SEPSECS: variants seen among roughly 807,000 people sequenced by gnomAD.
SEPSECS encodes Sep (O-phosphoserine) tRNA:Sec (selenocysteine) tRNA synthase.
Under a neutral mutation model 52.1 loss-of-function variants are expected in SEPSECS, and 42 were observed. The ratio of observed to expected loss-of-function variants is 0.81; its 90% CI spans 0.63 to 1.04. SEPSECS has a LOEUF of 1.04. SEPSECS is among the 50% of genes least tolerant of loss of function. The pLI, the probability that SEPSECS is intolerant of heterozygous loss-of-function variation, is 0.00. For missense variants in SEPSECS, 590 were observed against 610.6 expected, an observed-to-expected ratio of 0.97 and a Z score of 0.36; for synonymous variants, 216 against 211.4, an observed-to-expected ratio of 1.02 and a Z score of -0.19.
chr4:25,156,821 A>G (rs1712686365), intron 3 of SEPSECS, 35 bp downstream of exon 3: 6 of 1,085,998 alleles, frequency 5.5e-6, no homozygotes, highest in African/African-American at 1.5e-5. Context: ...GTGTGTCCAG[A>G]CAGCCAAAAG....
At chr4:25,148,992 G>C (rs970013283) in intron 6 of SEPSECS, among the ~76,000 whole-genome samples, 2 of 152,118 alleles carry the variant, frequency 1.3e-5, no homozygotes, top group Non-Finnish European at 2.9e-5. Flanking sequence ...CCCAAATGCA[G>C]AGAGGTAATG....
chr4:25,140,653 C>T (rs536192645), intron 8 of SEPSECS, among the ~76,000 whole-genome samples: 6 of 152,136 alleles, frequency 3.9e-5, no homozygotes, highest in Middle Eastern at 3.4e-3. Flanking sequence ...CTCAGTATTA[C>T]GTGTAATTAT....
chr4:25,123,944 T>A lies in SEPSECS; in HGVS notation c.1493A>T (p.Asp498Val), dbSNP rs1255079103. 1 of 1,613,390 alleles carries A rather than the reference T, an allele frequency of 6.2e-7. No individual in the cohort carries two copies. Among genetic ancestry groups the A allele is most frequent in the African/African-American group, 1.3e-5 (1 of 75,030 alleles). Reference protein sequence around the residue: ...LDNVLLDTYQDASS With the variant: ...LDNVLLDTYQVASS ...ACCCTTCGCATGTCATGAAGAAGCA[T>A]CCTGGTATGTGTCAAGAAGTACATT... The change falls in exon 11 of 11, where the codon GAT becomes GTT. Residue 498 changes from aspartate (D) to valine (V), a missense_variant. By Grantham distance (152) the Asp-to-Val change is radical. Transcript: ENST00000382103.
At chr4:25,153,885 C>T (rs931389449) in intron 5 of SEPSECS, among the ~76,000 whole-genome samples, 1 of 151,998 alleles carries the variant, frequency 6.6e-6, no homozygotes, top group Non-Finnish European at 1.5e-5. Context: ...AACACTGTGC[C>T]AGGCATACTG....
At chr4:25,124,302 GT>G in intron 10 of SEPSECS, 77 bp from the exon 11 acceptor site, 1 of 1,383,188 alleles carries the variant, frequency 7.2e-7, no homozygotes. Flanking sequence ...AAAGATATGT[GT>G]TACAAAGCCT....
At chr4:25,160,102 G>A (rs561606796) in intron 1 of SEPSECS, 154 bp downstream of exon 1, 24 of 985,434 alleles carry the variant, frequency 2.4e-5, no homozygotes, top group Non-Finnish European at 2.9e-5. Context: ...GGCACAGACC[G>A]CAGTCGGTCA....
At position 25,120,167 on chromosome 4, in the gene SEPSECS, C is replaced by T. The variant is rs894143569; in HGVS notation, c.*3764G>A. 7 of 151,924 alleles carry T rather than the reference C, an allele frequency of 4.6e-5. No individual in the cohort carries two copies. Among genetic ancestry groups the T allele is most frequent in the African/African-American group, 1.7e-4 (7 of 41,356 alleles). The allele number at this position is 151,924 out of a possible 1,614,324, so 9.4% of individuals were successfully genotyped here. On this transcript the variant is annotated 3_prime_UTR_variant, in exon 11 of 11. Transcript: ENST00000382103. ...GCTTCATATTCTCATGGCTAAAATC[C>T]CCCACGGTTATACAGTTAAGCATAG...
intron 6 of SEPSECS, among the ~76,000 whole-genome samples, chr4:25,145,403 T>C (rs1711901705): frequency 6.6e-6 from 1 of 152,228 alleles, no homozygotes; most frequent in South Asian, 2.1e-4. Context: ...TTATTTTCTT[T>C]GTAATAGTGC....
intron 8 of SEPSECS, among the ~76,000 whole-genome samples, chr4:25,127,684 A>G (rs769573513): frequency 2.0e-5 from 3 of 152,074 alleles, no homozygotes; most frequent in Non-Finnish European, 4.4e-5. Flanking sequence ...ACAGCAATAG[A>G]TCCTAAATGA....
In SEPSECS at chr4:25,155,166, C is replaced by T; in HGVS notation, c.548-15G>A. The T allele has an allele frequency of 6.2e-7, 1 of 1,613,898 alleles. No homozygotes were observed. The highest frequency in any genetic ancestry group is 8.5e-7 in the Non-Finnish European group (1 of 1,179,922). On this transcript the variant is annotated splice_polypyrimidine_tract_variant and intron_variant, in intron 4 of 10. Coordinates refer to ENST00000382103, the MANE Select transcript of SEPSECS (RefSeq NM_016955.4). ...AGGCTCAAAACCTAACCAAACCAAC[C>T]AGAAAACAAAATGTTAGTGTGAACT...
chr4:25,134,054 G>C (rs1158093813), intron 8 of SEPSECS, among the ~76,000 whole-genome samples: 1 of 145,506 alleles, frequency 6.9e-6, no homozygotes, highest in Admixed American at 7.2e-5. Context: ...AACCCAGAGA[G>C]GTCAAGGCTG....
chr4:25,155,861 A>C (rs1408829137), intron 4 of SEPSECS, among the ~76,000 whole-genome samples, 176 bp downstream of exon 4: 2 of 152,240 alleles, frequency 1.3e-5, no homozygotes, highest in East Asian at 3.8e-4. Context: ...CATAAACTTA[A>C]AAGTTGCATA....
intron 8 of SEPSECS, among the ~76,000 whole-genome samples, chr4:25,130,987 G>T (rs1377158467): frequency 1.3e-5 from 2 of 152,126 alleles, no homozygotes; most frequent in Non-Finnish European, 2.9e-5. Flanking sequence ...CATGTTCTCT[G>T]TGCTGTATTT....
chr4:25,154,974 G>A, intron 5 of SEPSECS, 24 bp downstream of exon 5: 2 of 1,610,318 alleles, frequency 1.2e-6, no homozygotes, highest in Non-Finnish European at 1.7e-6. Context: ...AACAGCTAAA[G>A]GACAATATTC....
intron 4 of SEPSECS, among the ~76,000 whole-genome samples, chr4:25,155,439 A>G (rs998162193): frequency 2.0e-5 from 3 of 152,252 alleles, no homozygotes; most frequent in Admixed American, 2.0e-4. Flanking sequence ...ATAGATATCT[A>G]TAGAAGTAAT....
In SEPSECS at chr4:25,152,039, C is replaced by A; in HGVS notation, c.725G>T (p.Cys242Phe). The change falls in exon 6 of 11, where the codon TGT (cysteine) becomes TTT (phenylalanine). Residue 242 changes from cysteine (C) to phenylalanine (F), a missense_variant. By Grantham distance (205) the Cys-to-Phe change is radical. Coordinates refer to ENST00000382103, the MANE Select transcript of SEPSECS (RefSeq NM_016955.4). The part of the protein sequence containing the change: ...PDRLEELAVI[C>F]ANYDIPHIVN... Reference sequence around the variant, plus strand: ...TATATGTGGAATGTCATAATTAGCACAAATCACAGCCAGTTCTTCTAATCT... The same window carrying A: ...TATATGTGGAATGTCATAATTAGCAAAAATCACAGCCAGTTCTTCTAATCT... The A allele has an allele frequency of 6.3e-7, 1 of 1,584,148 alleles. No homozygotes were observed. The highest frequency in any genetic ancestry group is 8.7e-7 in the Non-Finnish European group (1 of 1,152,894).
intron 8 of SEPSECS, among the ~76,000 whole-genome samples, chr4:25,130,546 G>T (rs1323539659): frequency 6.6e-6 from 1 of 151,954 alleles, no homozygotes; most frequent in Non-Finnish European, 1.5e-5. Flanking sequence ...CACTAGTACG[G>T]GAGTAATTAG....
rs1728142675 is a variant in SEPSECS at position 25,121,906 on chromosome 4, C to T, written c.*2025G>A. On this transcript the variant is annotated 3_prime_UTR_variant, in exon 11 of 11. Transcript: ENST00000382103. ...TGCTACTCTCCCAGCTCTGGCCTTT[C>T]TTAAGCTAAATGATGATCACAACAA... 6.6e-6 allele frequency: 1 copy of T among 152,176 alleles called. No homozygotes were observed. Among genetic ancestry groups the T allele is most frequent in the Non-Finnish European group, 1.5e-5 (1 of 68,022 alleles). 9.4% of individuals were successfully genotyped at this position (152,176 alleles called of 1,614,324 possible). A position where few individuals can be genotyped will look rare whatever the true frequency, so the allele number is the denominator to read the frequency against.
chr4:25,124,181 A>G lies in SEPSECS; in HGVS notation c.1256T>C (p.Phe419Ser). The change falls in exon 11 of 11, where the codon TTC becomes TCC. Residue 419 changes from phenylalanine to serine, a missense_variant. By Grantham distance (155) the Phe-to-Ser change is radical. Transcript: ENST00000382103. ...GSMQTVSGYT[F>S]RGFMSHTNNY... Reference sequence around the variant, plus strand: ...ATTTGTATGTGACATAAAGCCTCTGAAAGTATAGCCACTCACAGTTTGCAT... The same window carrying G: ...ATTTGTATGTGACATAAAGCCTCTGGAAGTATAGCCACTCACAGTTTGCAT... The G allele has an allele frequency of 3.1e-6, 5 of 1,613,666 alleles. No homozygotes were observed. The highest frequency in any genetic ancestry group is 4.2e-6 in the Non-Finnish European group (5 of 1,179,724).
Sources: gnomAD v4.1 joint callset for allele counts (sites outside exome capture counted in the v4.1 genomes callset) on GRCh38, gnomAD v4.1.1 for gene constraint, MANE v1.5 for transcripts, NCBI Gene and HGNC (gene_info 2026-07-23, HGNC 2026-07-21) for gene names.